Variants in ASCC1 observed in about 807,000 individuals in gnomAD.
ASCC1 encodes activating signal cointegrator 1 complex subunit 1, also known as ASC-1 complex subunit P50.
A neutral mutation model predicts 46.6 loss-of-function variants in ASCC1; 35 were observed. The ratio of observed to expected loss-of-function variants is 0.75; its 90% CI spans 0.57 to 0.99. The LOEUF (loss-of-function observed/expected upper bound fraction) is 0.99, where lower values mean the gene tolerates loss of function less well. Among genes scored for constraint, ASCC1 ranks in the 50% least tolerant of loss-of-function variants. ASCC1 has a pLI of 0.00. For synonymous variants in ASCC1, 143 were observed against 146.6 expected (o/e 0.98, Z 0.18); for missense variants, 376 against 428.7 (o/e 0.88, Z 1.09).
intron 9 of ASCC1, among the ~76,000 whole-genome samples, chr10:72,116,085 C>T (rs1291883676): frequency 6.6e-6 from 1 of 152,156 alleles, no homozygotes; most frequent in Non-Finnish European, 1.5e-5. Context: ...CACGTACACC[C>T]CAAATGGTTA....
intron 8 of ASCC1, among the ~76,000 whole-genome samples, chr10:72,129,332 C>T (rs1442754979): frequency 1.3e-5 from 2 of 152,096 alleles, no homozygotes; most frequent in African/African-American, 4.8e-5. Flanking sequence ...TGAAAGGATA[C>T]ATAAAATGTG....
chr10:72,114,123 G>T (rs747099259), intron 9 of ASCC1, among the ~76,000 whole-genome samples: 1 of 152,210 alleles, frequency 6.6e-6, no homozygotes, highest in Non-Finnish European at 1.5e-5. Flanking sequence ...GAGAAGCACA[G>T]AATTAATTTT....
At chr10:72,137,460 G>A (rs1477224569) in intron 7 of ASCC1, among the ~76,000 whole-genome samples, 3 of 150,256 alleles carry the variant, frequency 2.0e-5, no homozygotes, top group African/African-American at 7.4e-5. Context: ...CACGTGAGGC[G>A]GAGGTCGCAG....
intron 5 of ASCC1, among the ~76,000 whole-genome samples, chr10:72,170,199 T>G (rs1413781153): frequency 6.6e-6 from 1 of 151,974 alleles, no homozygotes; most frequent in Non-Finnish European, 1.5e-5. Flanking sequence ...GAGCAGAATA[T>G]TTGCATAGTC....
chr10:72,145,940 G>A (rs1847573531), intron 7 of ASCC1, among the ~76,000 whole-genome samples: 1 of 152,128 alleles, frequency 6.6e-6, no homozygotes, highest in African/African-American at 2.4e-5. Flanking sequence ...TCTAAACCCT[G>A]CCTGTTCTGC....
chr10:72,142,389 C>CTA (rs1405132834), intron 7 of ASCC1, among the ~76,000 whole-genome samples: 1 of 145,956 alleles, frequency 6.9e-6, no homozygotes, highest in Non-Finnish European at 1.5e-5. Context: ...TTTGGTGAGA[C>CTA]TGAGTCTTCC....
At chr10:72,172,371 C>T (rs1351141615) in intron 5 of ASCC1, among the ~76,000 whole-genome samples, 1 of 138,300 alleles carries the variant, frequency 7.2e-6, no homozygotes, top group African/African-American at 2.7e-5. Context: ...GCCAAGATTG[C>T]ACCACTGCAC....
At chr10:72,211,341 G>T (rs1483018758) in intron 2 of ASCC1, among the ~76,000 whole-genome samples, 1 of 152,080 alleles carries the variant, frequency 6.6e-6, no homozygotes, top group African/African-American at 2.4e-5. Context: ...CATATCCAGG[G>T]ATTCTCCATC....
intron 5 of ASCC1, among the ~76,000 whole-genome samples, chr10:72,179,792 A>G (rs1488919982): frequency 1.3e-5 from 2 of 152,202 alleles, no homozygotes; most frequent in Non-Finnish European, 1.5e-5. Flanking sequence ...TCAATTATCA[A>G]TTGAGTGAAT....
chr10:72,213,487 C>A, intron 1 of ASCC1, 156 bp from the exon 2 acceptor site: 1 of 590,324 alleles, frequency 1.7e-6, no homozygotes, highest in Non-Finnish European at 3.1e-6. Context: ...CATCTGTAAA[C>A]CAGTTTAGGT....
chr10:72,167,015 G>C (rs952096690), intron 5 of ASCC1, among the ~76,000 whole-genome samples: 3 of 152,012 alleles, frequency 2.0e-5, no homozygotes, highest in Non-Finnish European at 4.4e-5. Context: ...GGCCACTTTG[G>C]AAAACAGTTT....
intron 8 of ASCC1, 44 bp from the exon 9 acceptor site, chr10:72,128,211 G>A: frequency 6.4e-7 from 1 of 1,553,880 alleles, no homozygotes; most frequent in East Asian, 2.2e-5. Context: ...AGATTGATTG[G>A]TTGTTTTCTC....
At chr10:72,216,978 A>G (rs1207081910), upstream of ASCC1, 1 of 455,776 alleles carries the variant, frequency 2.2e-6, no homozygotes, top group South Asian at 1.5e-5. Flanking sequence ...TCCAATACTC[A>G]TGACACAGCG....
At chr10:72,147,081 A>T (rs1160767455) in intron 7 of ASCC1, among the ~76,000 whole-genome samples, 1 of 150,074 alleles carries the variant, frequency 6.7e-6, no homozygotes. Context: ...TCCCTTAGGC[A>T]TCCTAGATTT....
Position 72,102,877 on chromosome 10 carries a change from A to C in ASCC1, c.958-5427T>G, listed in dbSNP as rs974928022. ...GTAATCCCAGCTACTTGGGAGGCTG[A>C]GGCAGGAGAATCACTTGAACCCGGG... On this transcript the variant is annotated intron_variant, in intron 9 of 9. Coordinates refer to ENST00000672957, the MANE Select transcript of ASCC1 (RefSeq NM_001198800.3). 1.8e-5 allele frequency: 7 copies of C among 394,768 alleles called. No homozygotes were observed. The highest frequency in any genetic ancestry group is 3.5e-5 in the Non-Finnish European group (7 of 199,738). The allele number at this position is 394,768 out of a possible 1,614,324, so 24.5% of individuals were successfully genotyped here.
At chr10:72,136,903 C>T (rs995555939) in intron 7 of ASCC1, among the ~76,000 whole-genome samples, 3 of 151,754 alleles carry the variant, frequency 2.0e-5, no homozygotes, top group East Asian at 1.9e-4. Flanking sequence ...ACGAACCCAC[C>T]GGCAGGAAGA....
chr10:72,152,270 T>A (rs562843800), intron 7 of ASCC1, among the ~76,000 whole-genome samples: 4 of 151,246 alleles, frequency 2.6e-5, no homozygotes, highest in South Asian at 2.1e-4. Flanking sequence ...CTTAAAGCAG[T>A]CCACCCACCT....
intron 5 of ASCC1, among the ~76,000 whole-genome samples, chr10:72,196,365 A>G (rs999555792): frequency 1.4e-5 from 2 of 145,626 alleles, no homozygotes; most frequent in Non-Finnish European, 3.0e-5. Context: ...TGCAACCCCC[A>G]TCTCCCAAGT....
intron 1 of ASCC1, among the ~76,000 whole-genome samples, chr10:72,213,617 AGAAG>A (rs1858522005): frequency 6.7e-6 from 1 of 148,238 alleles, no homozygotes; most frequent in Non-Finnish European, 1.5e-5. Context: ...AAAAAAAAAA[AGAAG>A]GAAGGGAGGG....
Sources: allele counts gnomAD v4.1 joint callset (sites outside exome capture counted in the v4.1 genomes callset), GRCh38; gene constraint gnomAD v4.1.1; transcripts MANE v1.5; gene names NCBI Gene and HGNC (gene_info 2026-07-23, HGNC 2026-07-21).